The following PDC variants were observed in gnomAD, a reference collection of about 807,000 sequenced individuals.
PDC encodes the protein phosducin.
Under a neutral mutation model 22.2 loss-of-function variants are expected in PDC, and 19 were observed. The observed-to-expected ratio is 0.86, with a 90% confidence interval of 0.60 to 1.26. PDC has a LOEUF of 1.26. Among genes scored for constraint, PDC ranks in the 50% most tolerant of loss-of-function variants. The probability of loss-of-function intolerance (pLI) is 0.00; values close to 1 mark genes in which losing one functional copy is unlikely to be tolerated. For synonymous variants in PDC, 97 were observed against 96.2 expected (o/e 1.01, Z -0.05); for missense variants, 274 against 286.8 (o/e 0.96, Z 0.32).
chr1:186,444,411 C>G lies in PDC; in HGVS notation c.309G>C (p.Gln103His). 1 of 1,613,964 alleles carries G rather than the reference C, an allele frequency of 6.2e-7. No homozygotes were observed. The highest frequency in any genetic ancestry group is 8.5e-7 in the Non-Finnish European group (1 of 1,179,858). ...YRRQCMQDMH[Q>H]KLSFGPRYGF... ...CATATCTAGGCCCAAAACTCAGCTT[C>G]TGGTGCATATCCTGCATACACTGTC... The change falls in exon 4 of 4, where the codon CAG becomes CAC. Residue 103 changes from glutamine to histidine, a missense_variant. Gln to His is a conservative substitution (Grantham distance 24). Coordinates refer to ENST00000391997, the MANE Select transcript of PDC (RefSeq NM_002597.5).
At chr1:186,460,142 G>A (rs892025453) in intron 1 of PDC, among the ~76,000 whole-genome samples, 3 of 152,040 alleles carry the variant, frequency 2.0e-5, no homozygotes, top group Non-Finnish European at 2.9e-5. Context: ...CCTTAGCGCC[G>A]GATGAATACA....
chr1:186,451,640 T>A (rs959488250), intron 1 of PDC: 3 of 152,328 alleles, frequency 2.0e-5, no homozygotes, highest in African/African-American at 7.2e-5. Context: ...ATGCTGAAGA[T>A]ACAGGGCACA....
At chr1:186,447,957 T>C (rs1662270544) in intron 2 of PDC, among the ~76,000 whole-genome samples, 1 of 152,182 alleles carries the variant, frequency 6.6e-6, no homozygotes, top group African/African-American at 2.4e-5. Context: ...ATCTTGGAGA[T>C]TTTTTCAGTA....
At chr1:186,451,232 A>T (rs1662349208) in intron 1 of PDC, 1 of 152,224 alleles carries the variant, frequency 6.6e-6, no homozygotes, top group Non-Finnish European at 1.5e-5. Flanking sequence ...CTTGAACAAG[A>T]AAAGACTGTC....
chr1:186,459,097 G>A (rs934340890), intron 1 of PDC, among the ~76,000 whole-genome samples: 4 of 152,190 alleles, frequency 2.6e-5, no homozygotes, highest in Non-Finnish European at 5.9e-5. Context: ...GGGAGGCGCA[G>A]GTTGCAGTGA....
chr1:186,452,005 GT>G (rs1284022939), intron 1 of PDC, among the ~76,000 whole-genome samples: 2 of 152,154 alleles, frequency 1.3e-5, no homozygotes, highest in Non-Finnish European at 2.9e-5. Context: ...AATTGCTACT[GT>G]TTACTGCCAG....
At chr1:186,452,952 G>A (rs1662382053) in intron 1 of PDC, among the ~76,000 whole-genome samples, 2 of 152,068 alleles carry the variant, frequency 1.3e-5, no homozygotes, top group Non-Finnish European at 1.5e-5. Flanking sequence ...TTATAATACT[G>A]TTTCAATGAA....
intron 2 of PDC, among the ~76,000 whole-genome samples, chr1:186,447,128 A>G (rs1662248988): frequency 6.6e-6 from 1 of 151,456 alleles, no homozygotes; most frequent in African/African-American, 2.4e-5. Flanking sequence ...TATTTTGCAA[A>G]CATAGAAAGA....
At chr1:186,448,924 TG>T (rs1380374583) in intron 2 of PDC, among the ~76,000 whole-genome samples, 1 of 152,114 alleles carries the variant, frequency 6.6e-6, no homozygotes, top group Non-Finnish European at 1.5e-5. Flanking sequence ...AGACTCTGGA[TG>T]AAATGAAGTG....
At chr1:186,453,904 A>G (rs1187174291) in intron 1 of PDC, among the ~76,000 whole-genome samples, 3 of 152,178 alleles carry the variant, frequency 2.0e-5, no homozygotes, top group African/African-American at 7.2e-5. Context: ...CTGACTCTCA[A>G]ATCTCCAAAA....
At chr1:186,461,018 T>G (rs1225877859) in intron 1 of PDC, 41 bp downstream of exon 1, 2 of 154,766 alleles carry the variant, frequency 1.3e-5, no homozygotes, top group Non-Finnish European at 2.9e-5. Context: ...AAGGTAAAAT[T>G]TTTAAAATTA....
At chr1:186,458,662 T>A (rs1003619285) in intron 1 of PDC, among the ~76,000 whole-genome samples, 1 of 151,532 alleles carries the variant, frequency 6.6e-6, no homozygotes, top group Non-Finnish European at 1.5e-5. Flanking sequence ...TTTAAGAAAA[T>A]GTATGCATGT....
chr1:186,455,961 G>A (rs1478491597), intron 1 of PDC, among the ~76,000 whole-genome samples: 4 of 86,836 alleles, frequency 4.6e-5, no homozygotes, highest in Non-Finnish European at 7.8e-5. Flanking sequence ...AACAGAGCGC[G>A]ACTCCGTCTC....
intron 1 of PDC, among the ~76,000 whole-genome samples, chr1:186,455,758 G>A (rs1283651973): frequency 8.2e-5 from 11 of 133,924 alleles, no homozygotes; most frequent in Admixed American, 4.1e-4. Flanking sequence ...TCAGGAGATC[G>A]AGACCGTCCT....
chr1:186,454,168 CTT>C (rs397860509), intron 1 of PDC, among the ~76,000 whole-genome samples: 36 of 94,214 alleles, frequency 3.8e-4, no homozygotes, highest in African/African-American at 1.3e-3. Context: ...TCTTTTCTTT[CTT>C]TTTTTTTTTT....
chr1:186,448,415 T>G (rs1355313904), intron 2 of PDC, among the ~76,000 whole-genome samples: 1 of 152,172 alleles, frequency 6.6e-6, no homozygotes, highest in Non-Finnish European at 1.5e-5. Flanking sequence ...TTCTTATCGA[T>G]TTGTAGAAGC....
chr1:186,459,752 G>GTGTATATA (rs1299957095), intron 1 of PDC, among the ~76,000 whole-genome samples: 98 of 112,096 alleles, frequency 8.7e-4, no homozygotes, highest in African/African-American at 2.8e-3. Flanking sequence ...GTGTGTGTGT[G>GTGTATATA]TATATATATA....
At chr1:186,446,635 A>T in intron 2 of PDC, 58 bp from the exon 3 acceptor site, 1 of 1,043,784 alleles carries the variant, frequency 9.6e-7, no homozygotes, top group Non-Finnish European at 1.4e-6. Context: ...GACTGTTGGC[A>T]TAATTGAAAT....
At chr1:186,454,175 T>TC (rs1662407506) in intron 1 of PDC, among the ~76,000 whole-genome samples, 2 of 136,376 alleles carry the variant, frequency 1.5e-5, no homozygotes, top group Admixed American at 1.4e-4. Context: ...TTTCTTTTTT[T>TC]TTTTTTTTTT....
Sources: allele counts gnomAD v4.1 joint callset (sites outside exome capture counted in the v4.1 genomes callset), GRCh38; gene constraint gnomAD v4.1.1; transcripts MANE v1.5; gene names NCBI Gene and HGNC (gene_info 2026-07-23, HGNC 2026-07-21).